Variants in RYR3 observed in about 807,000 individuals in gnomAD.
RYR3 encodes brain ryanodine receptor-calcium release channel.
Under a neutral mutation model 584.3 loss-of-function variants are expected in RYR3, and 207 were observed. The observed-to-expected ratio is 0.35, with a 90% CI of 0.32 to 0.40. The LOEUF (loss-of-function observed/expected upper bound fraction) is 0.40, where lower values mean the gene tolerates loss of function less well. Ranked by LOEUF, RYR3 falls within the 10% of genes least tolerant of loss-of-function variation. The pLI, the probability that RYR3 is intolerant of heterozygous loss-of-function variation, is 1.00. For missense variants in RYR3, 5,616 were observed against 6,089.2 expected (o/e 0.92, Z 2.59); for synonymous variants, 2,416 against 2,248.5 (o/e 1.07, Z -2.11).
intron 12 of RYR3, among the ~76,000 whole-genome samples, chr15:33,578,933 A>C (rs1046860694): frequency 1.3e-5 from 2 of 152,088 alleles, no homozygotes; most frequent in African/African-American, 4.8e-5. Context: ...TGTACTCCTC[A>C]AGGAGATGGG....
chr15:33,578,558 G>A (rs1030063840), intron 12 of RYR3, among the ~76,000 whole-genome samples: 11 of 152,022 alleles, frequency 7.2e-5, no homozygotes, highest in African/African-American at 2.7e-4. Flanking sequence ...CCTGAACAAT[G>A]AGAACACATG....
intron 57 of RYR3, among the ~76,000 whole-genome samples, chr15:33,754,742 A>T (rs1001166243): frequency 2.1e-5 from 3 of 145,188 alleles, no homozygotes; most frequent in African/African-American, 5.5e-5. Context: ...AACTTCTAAG[A>T]TTCCATCTAA....
chr15:33,331,517 A>G (rs1970377676), intron 1 of RYR3, among the ~76,000 whole-genome samples: 1 of 152,170 alleles, frequency 6.6e-6, no homozygotes, highest in African/African-American at 2.4e-5. Flanking sequence ...CTTGGTAATG[A>G]CAGTGCCTCT....
At chr15:33,604,873 T>C (rs1216511824) in intron 18 of RYR3, among the ~76,000 whole-genome samples, 1 of 152,234 alleles carries the variant, frequency 6.6e-6, no homozygotes, top group Non-Finnish European at 1.5e-5. Context: ...CTTATGCTCA[T>C]GCACCTTTGC....
chr15:33,375,892 G>A (rs1221364666), intron 1 of RYR3, among the ~76,000 whole-genome samples: 3 of 152,006 alleles, frequency 2.0e-5, no homozygotes, highest in Non-Finnish European at 4.4e-5. Context: ...GTGAAACCCC[G>A]TCTCTACTAA....
chr15:33,764,798 CAGG>C (rs2072863432), intron 60 of RYR3, among the ~76,000 whole-genome samples: 1 of 151,998 alleles, frequency 6.6e-6, no homozygotes, highest in Non-Finnish European at 1.5e-5. Context: ...TTTGGGAGGC[CAGG>C]GCAGGCGGAT....
chr15:33,647,340 T>C (rs2062156843), intron 29 of RYR3, 84 bp from the exon 30 acceptor site: 1 of 1,061,822 alleles, frequency 9.4e-7, no homozygotes, highest in East Asian at 2.4e-5. Flanking sequence ...GACTTGATCA[T>C]TGAAGGTAGA....
chr15:33,689,806 T>C (rs2065288198), intron 38 of RYR3, among the ~76,000 whole-genome samples: 1 of 152,182 alleles, frequency 6.6e-6, no homozygotes, highest in South Asian at 2.1e-4. Context: ...CAACACAGTT[T>C]TACTCATTAT....
At chr15:33,582,031 G>A (rs946424884) in intron 14 of RYR3, among the ~76,000 whole-genome samples, 1 of 152,310 alleles carries the variant, frequency 6.6e-6, no homozygotes, top group Non-Finnish European at 1.5e-5. Context: ...CCTCTCACTT[G>A]TCCACTTGTT....
chr15:33,813,778 C>T (rs1023491631), intron 74 of RYR3, 199 bp downstream of exon 74: 3 of 501,422 alleles, frequency 6.0e-6, no homozygotes, highest in Non-Finnish European at 1.1e-5. Flanking sequence ...AGATGAGATT[C>T]TCTAGAGCCC....
At chr15:33,498,637 G>A (rs189757545) in intron 2 of RYR3, among the ~76,000 whole-genome samples, 16 of 152,194 alleles carry the variant, frequency 1.1e-4, no homozygotes, top group Admixed American at 7.9e-4. Flanking sequence ...CCTGCAGGCC[G>A]TCTCTTTACT....
At chr15:33,813,091 TA>T (rs2076633565) in intron 73 of RYR3, 97 bp downstream of exon 73, 1 of 1,476,870 alleles carries the variant, frequency 6.8e-7, no homozygotes, top group African/African-American at 1.4e-5. Flanking sequence ...AGTGCCCTCA[TA>T]AGACTGAGAA....
chr15:33,854,948 G>C (rs375195223), intron 98 of RYR3, 36 bp downstream of exon 98: 87 of 1,554,862 alleles, frequency 5.6e-5, no homozygotes, highest in Non-Finnish European at 7.1e-5. Flanking sequence ...GAATGGACCT[G>C]TATATGCACA....
chr15:33,543,566 G>A, intron 7 of RYR3, 56 bp from the exon 8 acceptor site: 2 of 1,100,796 alleles, frequency 1.8e-6, no homozygotes, highest in Non-Finnish European at 2.8e-6. Flanking sequence ...TTTTAAATAT[G>A]CCATTCTCTT....
chr15:33,381,713 C>A (rs17817126), intron 1 of RYR3, among the ~76,000 whole-genome samples: 8,618 of 152,222 alleles, frequency 0.057, 320 homozygotes, highest in Non-Finnish European at 0.087. Flanking sequence ...GGCTGACTTG[C>A]CCTATGCTGC....
chr15:33,475,430 G>C (rs1035325463), intron 2 of RYR3, among the ~76,000 whole-genome samples: 1 of 152,180 alleles, frequency 6.6e-6, no homozygotes, highest in Non-Finnish European at 1.5e-5. Flanking sequence ...TCGGGCATTA[G>C]ATTCTCATAA....
chr15:33,859,820 AAGCGTGTGAATTC>A, intron 100 of RYR3, 89 bp downstream of exon 100: 1 of 1,325,258 alleles, frequency 7.5e-7, no homozygotes. Context: ...GTTTATGAAG[AAGCGTGTGAATTC>A]ATTTACTTGT....
intron 60 of RYR3, among the ~76,000 whole-genome samples, chr15:33,764,485 G>A (rs1375226775): frequency 1.3e-5 from 2 of 151,902 alleles, no homozygotes; most frequent in African/African-American, 4.8e-5. Context: ...TAGATGACAG[G>A]TTGATGGGTG....
intron 94 of RYR3, 74 bp from the exon 95 acceptor site, chr15:33,852,971 A>G: frequency 7.5e-7 from 1 of 1,327,124 alleles, no homozygotes; most frequent in Non-Finnish European, 1.1e-6. Flanking sequence ...CAGGCACTCA[A>G]ACTGAAACGT....
Sources: allele counts gnomAD v4.1 joint callset (sites outside exome capture counted in the v4.1 genomes callset), GRCh38; gene constraint gnomAD v4.1.1; transcripts MANE v1.5; gene names NCBI Gene and HGNC (gene_info 2026-07-23, HGNC 2026-07-21).